Variants in BMPR1B observed in about 807,000 individuals in gnomAD.
BMPR1B encodes the protein bone morphogenetic protein receptor type-1B.
BMPR1B carries 12 observed loss-of-function variants against 59.1 expected under a neutral mutation model. That is an observed-to-expected ratio of 0.20 (90% CI 0.13 to 0.33). BMPR1B has a LOEUF of 0.33. BMPR1B is among the 10% of genes least tolerant of loss of function. The pLI is 1.00. For synonymous variants in BMPR1B, 237 were observed against 207.3 expected, an observed-to-expected ratio of 1.14 and a Z score of -1.23; for missense variants, 550 against 610.9, an observed-to-expected ratio of 0.90 and a Z score of 1.05.
At chr4:94,775,520 TA>T (rs1722333226) in intron 1 of BMPR1B, among the ~76,000 whole-genome samples, 1 of 152,180 alleles carries the variant, frequency 6.6e-6, no homozygotes, top group Non-Finnish European at 1.5e-5. Flanking sequence ...TGCTTGCTTC[TA>T]AAAAAAAGTT....
intron 2 of BMPR1B, among the ~76,000 whole-genome samples, chr4:94,894,789 C>T (rs1159013670): frequency 4.0e-5 from 6 of 150,236 alleles, no homozygotes; most frequent in Non-Finnish European, 7.4e-5. Flanking sequence ...TTTTCTTGGG[C>T]GCTGAATACT....
intron 3 of BMPR1B, among the ~76,000 whole-genome samples, chr4:95,066,889 AATGGAAATGC>A (rs1297196027): frequency 6.6e-6 from 1 of 152,176 alleles, no homozygotes; most frequent in Non-Finnish European, 1.5e-5. Flanking sequence ...AATAACAGGC[AATGGAAATGC>A]ATGGAAATGC....
At chr4:95,119,895 T>C (rs75664053) in intron 6 of BMPR1B, among the ~76,000 whole-genome samples, 3,656 of 152,298 alleles carry the variant, frequency 0.024, 56 homozygotes, top group Middle Eastern at 0.051. Flanking sequence ...ATTTTGAAGA[T>C]GTTTTTCTTT....
chr4:95,012,036 CAACAAA>C (rs1377209426), intron 3 of BMPR1B, among the ~76,000 whole-genome samples: 3 of 147,426 alleles, frequency 2.0e-5, no homozygotes, highest in African/African-American at 7.4e-5. Flanking sequence ...ACAACAACAA[CAACAAA>C]AAAAAAAAAG....
intron 3 of BMPR1B, among the ~76,000 whole-genome samples, chr4:95,027,489 C>G (rs17022885): frequency 6.6e-6 from 1 of 151,880 alleles, no homozygotes; most frequent in Admixed American, 6.6e-5. Flanking sequence ...TGATAAATGC[C>G]GAGCCATCAT....
chr4:94,805,572 G>T (rs1723575206), intron 1 of BMPR1B, among the ~76,000 whole-genome samples: 2 of 152,152 alleles, frequency 1.3e-5, no homozygotes, highest in South Asian at 4.1e-4. Context: ...GAGCTACAAT[G>T]AAATGAATTT....
At chr4:94,990,676 TTTGTTGTTG>T (rs34003455) in intron 2 of BMPR1B, among the ~76,000 whole-genome samples, 14 of 149,992 alleles carry the variant, frequency 9.3e-5, no homozygotes, top group African/African-American at 2.9e-4. Context: ...GGAATGAGGT[TTTGTTGTTG>T]TTGTTGTTGT....
At chr4:95,098,707 A>G (rs566255265) in intron 3 of BMPR1B, among the ~76,000 whole-genome samples, 1 of 151,882 alleles carries the variant, frequency 6.6e-6, no homozygotes, top group African/African-American at 2.4e-5. Flanking sequence ...TAACTTACAC[A>G]TTATCAAGTA....
At chr4:95,003,263 A>G (rs1005117674) in intron 3 of BMPR1B, among the ~76,000 whole-genome samples, 2 of 152,146 alleles carry the variant, frequency 1.3e-5, no homozygotes, top group African/African-American at 4.8e-5. Context: ...GATTTTTCTG[A>G]CCAATACTTC....
chr4:95,072,580 T>C (rs1728390690), intron 3 of BMPR1B, among the ~76,000 whole-genome samples: 1 of 152,200 alleles, frequency 6.6e-6, no homozygotes, highest in South Asian at 2.1e-4. Flanking sequence ...CTTAAGTAGT[T>C]GTATTCTTCA....
intron 2 of BMPR1B, among the ~76,000 whole-genome samples, chr4:94,957,969 G>A (rs536560788): frequency 1.3e-5 from 2 of 152,162 alleles, no homozygotes; most frequent in East Asian, 3.9e-4. Context: ...TTTGGAAACT[G>A]ACTACTATAT....
intron 1 of BMPR1B, among the ~76,000 whole-genome samples, chr4:94,790,767 G>T (rs1414947965): frequency 6.6e-6 from 1 of 152,072 alleles, no homozygotes; most frequent in Non-Finnish European, 1.5e-5. Flanking sequence ...TTTATTTTTG[G>T]TAACTTTTAA....
intron 1 of BMPR1B, among the ~76,000 whole-genome samples, chr4:94,859,332 G>T (rs1056797795): frequency 6.6e-6 from 1 of 152,030 alleles, no homozygotes; most frequent in Non-Finnish European, 1.5e-5. Context: ...ATTTTAAAAC[G>T]CTTTCCATCT....
chr4:94,825,444 G>T (rs1560502449), intron 1 of BMPR1B, among the ~76,000 whole-genome samples: 1 of 152,194 alleles, frequency 6.6e-6, no homozygotes. Context: ...ATTCAAGGCT[G>T]CAGTGAGCTA....
At chr4:94,951,100 T>A (rs545117965) in intron 2 of BMPR1B, among the ~76,000 whole-genome samples, 1 of 152,308 alleles carries the variant, frequency 6.6e-6, no homozygotes, top group East Asian at 1.9e-4. Context: ...ATAGGAATGC[T>A]TGTGATTATT....
At chr4:94,810,832 T>TA (rs1723783209) in intron 1 of BMPR1B, among the ~76,000 whole-genome samples, 1 of 152,168 alleles carries the variant, frequency 6.6e-6, no homozygotes, top group Non-Finnish European at 1.5e-5. Context: ...GAGAGTTAGT[T>TA]AATACTGATT....
At chr4:95,059,370 G>A (rs1008026037) in intron 3 of BMPR1B, among the ~76,000 whole-genome samples, 3 of 152,126 alleles carry the variant, frequency 2.0e-5, no homozygotes, top group African/African-American at 7.2e-5. Context: ...AAATCAGACA[G>A]TATCACTAAA....
At chr4:94,813,132 C>G (rs918987194) in intron 1 of BMPR1B, among the ~76,000 whole-genome samples, 6 of 151,130 alleles carry the variant, frequency 4.0e-5, no homozygotes, top group Middle Eastern at 3.4e-3. Context: ...GTCATGAAGA[C>G]AAATTACAAA....
chr4:94,846,308 G>T (rs1725326867), intron 1 of BMPR1B, among the ~76,000 whole-genome samples: 2 of 152,146 alleles, frequency 1.3e-5, no homozygotes, highest in Admixed American at 6.5e-5. Flanking sequence ...ATATATGATG[G>T]TTAGTTAATA....
Sources: allele counts gnomAD v4.1 joint callset (sites outside exome capture counted in the v4.1 genomes callset), GRCh38; gene constraint gnomAD v4.1.1; transcripts MANE v1.5; gene names NCBI Gene and HGNC (gene_info 2026-07-23, HGNC 2026-07-21).